Variants in LTBP1 observed in about 807,000 individuals in gnomAD.
LTBP1 encodes the protein latent transforming growth factor beta binding protein 1.
A neutral mutation model predicts 207.6 loss-of-function variants in LTBP1; 129 were observed. The ratio of observed to expected loss-of-function variants is 0.62; its 90% CI spans 0.54 to 0.72. The LOEUF is 0.72. Ranked by LOEUF, LTBP1 falls within the 30% of genes least tolerant of loss-of-function variation. LTBP1 has a pLI of 0.00. For synonymous variants in LTBP1, 963 were observed against 833.7 expected (o/e 1.16, Z -2.67); for missense variants, 2,281 against 2,217.2 (o/e 1.03, Z -0.58).
At chr2:33,128,493 A>C (rs1440660429) in intron 4 of LTBP1, among the ~76,000 whole-genome samples, 1 of 152,228 alleles carries the variant, frequency 6.6e-6, no homozygotes, top group Non-Finnish European at 1.5e-5. Context: ...CTCCAGCCAC[A>C]TGGCCATGGT....
chr2:33,150,523 T>G (rs1408005760), intron 5 of LTBP1, among the ~76,000 whole-genome samples: 2 of 151,808 alleles, frequency 1.3e-5, no homozygotes, highest in Admixed American at 1.3e-4. Flanking sequence ...TAACTTTTCA[T>G]CATCTCTAAC....
rs1278814745 is a variant in LTBP1 at position 33,134,472 on chromosome 2, CTT to C, written c.1034-319_1034-318del. 10 of 1,140,496 alleles carry C rather than the reference CTT, an allele frequency of 8.8e-6. No homozygotes were observed. Among genetic ancestry groups the C allele is most frequent in the Admixed American group, 8.6e-5 (4 of 46,474 alleles). The allele number at this position is 1,140,496 out of a possible 1,614,324, so 70.6% of individuals were successfully genotyped here. A position where few individuals can be genotyped will look rare whatever the true frequency, so the allele number is the denominator to read the frequency against. On this transcript the variant is annotated intron_variant, in intron 4 of 33. Coordinates refer to ENST00000404816, the MANE Select transcript of LTBP1 (RefSeq NM_206943.4). The surrounding 1 kb of genome is among the most constrained non-coding windows in gnomAD (Gnocchi z 4.4). The stretch of plus-strand genomic sequence containing the variant: ...AATCTGTCGTGCCCTCGGTATTGCT[CTT>C]TGTCTGCCCGTGAATAAAGTGCAGC...
At chr2:33,323,628 C>G (rs369165926) in intron 24 of LTBP1, among the ~76,000 whole-genome samples, 1 of 55,058 alleles carries the variant, frequency 1.8e-5, no homozygotes, top group Non-Finnish European at 3.8e-5. Context: ...GACTCCGTCT[C>G]AAAACAAACA....
intron 5 of LTBP1, among the ~76,000 whole-genome samples, chr2:33,186,091 C>T (rs2087158840): frequency 6.6e-6 from 1 of 152,180 alleles, no homozygotes; most frequent in Admixed American, 6.5e-5. Flanking sequence ...TAATTTTGGA[C>T]TTCACTGAGA....
chr2:33,236,348 G>A (rs905618211), intron 9 of LTBP1, among the ~76,000 whole-genome samples: 9 of 152,166 alleles, frequency 5.9e-5, no homozygotes, highest in Non-Finnish European at 1.0e-4. Context: ...CTGATTTGAA[G>A]GTGTTAACTG....
At chr2:33,122,172 CTTCG>C (rs202201437) in intron 4 of LTBP1, among the ~76,000 whole-genome samples, 8,273 of 152,028 alleles carry the variant, frequency 0.054, 709 homozygotes, top group African/African-American at 0.19. Flanking sequence ...GGAGCGGGAG[CTTCG>C]TTCGAGAGGA....
chr2:33,003,724 A>G lies in LTBP1; in HGVS notation c.566-17185A>G, dbSNP rs140903207. On this transcript the variant is annotated intron_variant, in intron 2 of 33. Coordinates refer to ENST00000404816, the MANE Select transcript of LTBP1 (RefSeq NM_206943.4). Reference sequence around the variant, plus strand: ...ACTTGGTAAGAGGCATGAAAGTTGTAAGAATCAGAATGTCACTTGTGTCAA... The same window carrying G: ...ACTTGGTAAGAGGCATGAAAGTTGTGAGAATCAGAATGTCACTTGTGTCAA... 2.0e-5 allele frequency among the ~76,000 whole-genome samples: 3 copies of G among 152,300 alleles called. No individual in the cohort carries two copies. The East Asian group carries it at 5.8e-4, about 29-fold the overall frequency.
chr2:33,050,224 G>T (rs539149260), intron 3 of LTBP1, among the ~76,000 whole-genome samples: 3 of 146,154 alleles, frequency 2.1e-5, no homozygotes, highest in Admixed American at 7.1e-5. Flanking sequence ...ACAAAAACCT[G>T]CTGAGAACCT....
chr2:33,102,805 C>T (rs1340316178), intron 3 of LTBP1, among the ~76,000 whole-genome samples: 1 of 152,142 alleles, frequency 6.6e-6, no homozygotes, highest in East Asian at 1.9e-4. Context: ...GTTGTATGCA[C>T]TGTCTGTAAG....
intron 10 of LTBP1, among the ~76,000 whole-genome samples, chr2:33,250,991 T>G (rs2092667541): frequency 6.6e-6 from 1 of 152,184 alleles, no homozygotes; most frequent in Admixed American, 6.5e-5. Flanking sequence ...AGAACCTGCC[T>G]GGCTAACTGC....
At chr2:33,188,902 C>T (rs1181600618) in intron 7 of LTBP1, 51 bp downstream of exon 7, 1 of 1,544,706 alleles carries the variant, frequency 6.5e-7, no homozygotes, top group Non-Finnish European at 8.8e-7. Context: ...GATATGGTAT[C>T]ATTTTAACAA....
chr2:33,008,534 G>A (rs1261835244), intron 2 of LTBP1, among the ~76,000 whole-genome samples: 1 of 152,158 alleles, frequency 6.6e-6, no homozygotes, highest in Non-Finnish European at 1.5e-5. Context: ...ACCACTTATA[G>A]GTAGATGATT....
At chr2:33,304,643 T>C (rs1196872559) in intron 22 of LTBP1, among the ~76,000 whole-genome samples, 3 of 152,236 alleles carry the variant, frequency 2.0e-5, no homozygotes, top group African/African-American at 7.2e-5. Context: ...TCAAAGGCTC[T>C]GCCTGTGACT....
At chr2:33,258,460 T>C (rs2092920317) in intron 12 of LTBP1, among the ~76,000 whole-genome samples, 1 of 152,180 alleles carries the variant, frequency 6.6e-6, no homozygotes, top group South Asian at 2.1e-4. Context: ...AGGCTTTTTT[T>C]CTGAGCTCTG....
chr2:33,081,672 G>C (rs760265260), intron 3 of LTBP1, among the ~76,000 whole-genome samples: 1 of 152,114 alleles, frequency 6.6e-6, no homozygotes, highest in Non-Finnish European at 1.5e-5. Flanking sequence ...CCAAACTCAT[G>C]GTGCTGATAT....
At chr2:32,994,620 C>T (rs13404403) in intron 2 of LTBP1, among the ~76,000 whole-genome samples, 7 of 151,986 alleles carry the variant, frequency 4.6e-5, no homozygotes, top group African/African-American at 1.7e-4. Flanking sequence ...GCATGTGCCA[C>T]CATGCCTGGA....
chr2:32,950,647 C>A (rs1676959757), intron 2 of LTBP1, among the ~76,000 whole-genome samples: 1 of 151,776 alleles, frequency 6.6e-6, no homozygotes, highest in African/African-American at 2.4e-5. Flanking sequence ...AAGAGAATTG[C>A]CTGTACCTGG....
At chr2:32,990,441 G>A (rs1159901142) in intron 2 of LTBP1, among the ~76,000 whole-genome samples, 2 of 152,136 alleles carry the variant, frequency 1.3e-5, no homozygotes, top group Admixed American at 6.5e-5. Context: ...TACTAATGGA[G>A]TTCCATGTAA....
Position 33,202,022 on chromosome 2 carries a change from AAC to A in LTBP1, c.1701+13209_1701+13210del, listed in dbSNP as rs10558832. 2.2e-3 allele frequency among the ~76,000 whole-genome samples: 303 copies of A among 140,630 alleles called. 3 individuals are homozygous for A. Among genetic ancestry groups the A allele is most frequent in the East Asian group, 0.011 (49 of 4,616 alleles). 92.3% of individuals were successfully genotyped at this position (140,630 alleles called of 152,430 possible). ...CCTAAGCTCTAAAGCTTAGCACTGG[AAC>A]ACACACACACACACACACACACACA... On this transcript the variant is annotated intron_variant, in intron 7 of 33. Transcript: ENST00000404816.
Sources: allele counts gnomAD v4.1 joint callset (sites outside exome capture counted in the v4.1 genomes callset), GRCh38; gene constraint gnomAD v4.1.1; non-coding constraint Gnocchi (gnomAD v3.1); transcripts MANE v1.5; gene names NCBI Gene and HGNC (gene_info 2026-07-23, HGNC 2026-07-21).